The following ARHGAP40 variants were observed in gnomAD, a reference collection of about 807,000 sequenced individuals.
ARHGAP40 encodes Rho GTPase activating protein 40, also known as rho GTPase-activating protein 40.
A neutral mutation model predicts 73.5 loss-of-function variants in ARHGAP40; 43 were observed. The observed-to-expected ratio is 0.58, with a 90% confidence interval of 0.46 to 0.75. The LOEUF (loss-of-function observed/expected upper bound fraction) is 0.75. Among genes scored for constraint, ARHGAP40 ranks in the 30% least tolerant of loss-of-function variants. The pLI is 0.00. For synonymous variants in ARHGAP40, 300 were observed against 352.8 expected (o/e 0.85, Z 1.68); for missense variants, 734 against 861.8 (o/e 0.85, Z 1.86).
intron 1 of ARHGAP40, among the ~76,000 whole-genome samples, chr20:38,616,144 C>A (rs544712889): frequency 6.6e-6 from 1 of 152,246 alleles, no homozygotes; most frequent in Non-Finnish European, 1.5e-5. Flanking sequence ...GCATCCCACA[C>A]AGCCACTCCC....
At chr20:38,631,336 A>T (rs752462349) in intron 5 of ARHGAP40, among the ~76,000 whole-genome samples, 1 of 149,780 alleles carries the variant, frequency 6.7e-6, no homozygotes, top group Non-Finnish European at 1.5e-5. Flanking sequence ...GAGAAGTGGC[A>T]TATGTTAGTC....
In ARHGAP40 at chr20:38,646,852, T is replaced by C; in HGVS notation, c.1711-105T>C. 9.6e-7 allele frequency: 1 copy of C among 1,038,050 alleles called. No individual in the cohort carries two copies. Among genetic ancestry groups the C allele is most frequent in the South Asian group, 1.5e-5 (1 of 64,730 alleles). The allele number at this position is 1,038,050 out of a possible 1,614,324, so 64.3% of individuals were successfully genotyped here. A position where few individuals can be genotyped will look rare whatever the true frequency, so the allele number is the denominator to read the frequency against. On this transcript the variant is annotated intron_variant, in intron 12 of 14. Transcript: ENST00000373345. The surrounding 1 kb of genome is among the most constrained non-coding windows in gnomAD (Gnocchi z 4.5). ...TGTGTGTATCTTGTGATTTTCAGCGTGGGCATTTGCGTAAGTGCCATGTAT... is the reference window on the plus strand; with the variant it reads ...TGTGTGTATCTTGTGATTTTCAGCGCGGGCATTTGCGTAAGTGCCATGTAT...
rs1223692885 is a variant in ARHGAP40, at chr20:38,602,145, TCTTCA to T, written c.137+68_137+72del. The T allele has an allele frequency of 2.5e-6, 3 of 1,219,712 alleles. No homozygotes were observed. In the African/African-American group the frequency reaches 4.7e-5, roughly 19 times the overall value. The allele number at this position is 1,219,712 out of a possible 1,614,324, so 75.6% of individuals were successfully genotyped here. A position where few individuals can be genotyped will look rare whatever the true frequency, so the allele number is the denominator to read the frequency against. On this transcript the variant is annotated intron_variant, in intron 1 of 14. Transcript: ENST00000373345. ...ATGCACCAGGGGCATGTGCGGTCTG[TCTTCA>T]CAACATCCCTGTGAGGCAAGAATCT...
intron 1 of ARHGAP40, among the ~76,000 whole-genome samples, chr20:38,623,071 G>A (rs867727336): frequency 1.3e-5 from 2 of 152,192 alleles, no homozygotes; most frequent in Non-Finnish European, 2.9e-5. Flanking sequence ...TGGGAATGCT[G>A]CCTTTACCGT....
chr20:38,641,181 C>T (rs754153749), intron 9 of ARHGAP40, among the ~76,000 whole-genome samples: 2 of 152,174 alleles, frequency 1.3e-5, no homozygotes, highest in Non-Finnish European at 2.9e-5. Context: ...TCCTACGCAG[C>T]TCTTCTCCAG....
chr20:38,640,453 C>A (rs181559188), intron 9 of ARHGAP40, among the ~76,000 whole-genome samples: 1 of 152,240 alleles, frequency 6.6e-6, no homozygotes, highest in African/African-American at 2.4e-5. Flanking sequence ...AACTCCTGGC[C>A]TCAAGCGATC....
chr20:38,615,424 A>G, intron 1 of ARHGAP40: 2 of 723,150 alleles, frequency 2.8e-6, no homozygotes, highest in South Asian at 1.4e-5. Context: ...GAAGTTGGGG[A>G]TAATGGTAAC....
exon 2 of ARHGAP40, chr20:38,623,376 G>T (rs1185684984): frequency 1.5e-6 from 2 of 1,290,330 alleles, no homozygotes; most frequent in Non-Finnish European, 2.0e-6. Flanking sequence ...CCCTCCTCAG[G>T]CCGAATGGAT....
intron 1 of ARHGAP40, among the ~76,000 whole-genome samples, chr20:38,605,914 T>C (rs757940237): frequency 2.0e-5 from 3 of 151,962 alleles, no homozygotes; most frequent in Admixed American, 1.3e-4. Flanking sequence ...GGAGACAGAG[T>C]CTTGCTCTAT....
At chr20:38,643,419 G>A (rs1275139833) in intron 10 of ARHGAP40, among the ~76,000 whole-genome samples, 2 of 152,192 alleles carry the variant, frequency 1.3e-5, no homozygotes, top group Admixed American at 1.3e-4. Flanking sequence ...CAGACCTGTG[G>A]CCCTTTTCTA....
rs1219383999 is a variant in ARHGAP40 at position 38,638,844 on chromosome 20, G to A, written c.1119+6G>A. On this transcript the variant is annotated splice_donor_region_variant and intron_variant, in intron 8 of 14. Transcript: ENST00000373345. Reference sequence around the variant, plus strand: ...GATCCCAGGCCAGGGTCAAGGTAATGGTTTGGCTTCCTGGCTTCACTGAGG... The same window carrying A: ...GATCCCAGGCCAGGGTCAAGGTAATAGTTTGGCTTCCTGGCTTCACTGAGG... 1 of 1,305,380 alleles carries A rather than the reference G, an allele frequency of 7.7e-7. No homozygotes were observed. The highest frequency in any genetic ancestry group is 1.0e-6 in the Non-Finnish European group (1 of 988,926). The allele number at this position is 1,305,380 out of a possible 1,614,324, so 80.9% of individuals were successfully genotyped here.
At chr20:38,614,609 A>G (rs980406565) in intron 1 of ARHGAP40, among the ~76,000 whole-genome samples, 1 of 152,226 alleles carries the variant, frequency 6.6e-6, no homozygotes, top group Non-Finnish European at 1.5e-5. Flanking sequence ...TCCATGCAGG[A>G]GACCCAAGCG....
chr20:38,606,232 C>T (rs1471981674), intron 1 of ARHGAP40, among the ~76,000 whole-genome samples: 2 of 152,186 alleles, frequency 1.3e-5, no homozygotes, highest in South Asian at 2.1e-4. Context: ...TAACTAGCCT[C>T]CTGTTGATGG....
intron 1 of ARHGAP40, among the ~76,000 whole-genome samples, chr20:38,610,955 TCTCAG>T (rs1229924065): frequency 6.7e-6 from 1 of 149,368 alleles, no homozygotes; most frequent in Non-Finnish European, 1.5e-5. Context: ...AGTGGCAAAA[TCTCAG>T]CTCACTGCAA....
chr20:38,626,104 C>CT (rs2088897757), intron 2 of ARHGAP40, among the ~76,000 whole-genome samples: 1 of 152,202 alleles, frequency 6.6e-6, no homozygotes, highest in Non-Finnish European at 1.5e-5. Context: ...CTGGAGGCAT[C>CT]TGTTCTGGTT....
At chr20:38,634,216 G>T (rs1255657213) in intron 5 of ARHGAP40, among the ~76,000 whole-genome samples, 1 of 152,104 alleles carries the variant, frequency 6.6e-6, no homozygotes, top group Admixed American at 6.5e-5. Context: ...GCCAGGTGTC[G>T]AGGTGCACAC....
chr20:38,649,892 C>T (rs1212165791), exon 15 of ARHGAP40: 2 of 1,244,798 alleles, frequency 1.6e-6, no homozygotes, highest in Admixed American at 2.3e-5. Flanking sequence ...CCTCCTCTCC[C>T]CTGCTGGCTC....
chr20:38,621,501 G>T (rs1204030431), intron 1 of ARHGAP40, among the ~76,000 whole-genome samples: 1 of 152,182 alleles, frequency 6.6e-6, no homozygotes, highest in Non-Finnish European at 1.5e-5. Flanking sequence ...CTCTTGTGGG[G>T]CTGGTGGAGG....
chr20:38,646,151 C>G lies in ARHGAP40; in HGVS notation c.1674C>G (p.His558Gln). ...TCAAGACTTGGCTGCGGAGGATGCA[C>G]GCAGACAGGGACAAGGCGGGGGACG... The change falls in exon 12 of 15, where the codon CAC becomes CAG. Residue 558 changes from histidine to glutamine, a missense_variant. By Grantham distance (24) the His-to-Gln change is conservative. Coordinates refer to ENST00000373345, the Ensembl canonical transcript of ARHGAP40. This position sits in a 1 kb window ranked among gnomAD's most constrained non-coding sequence, Gnocchi z 4.5. 7.7e-7 allele frequency: 1 copy of G among 1,303,914 alleles called. No homozygotes were observed. Among genetic ancestry groups the G allele is most frequent in the Non-Finnish European group, 1.0e-6 (1 of 988,680 alleles). 80.8% of individuals were successfully genotyped at this position (1,303,914 alleles called of 1,614,324 possible).
Sources: allele counts gnomAD v4.1 joint callset (sites outside exome capture counted in the v4.1 genomes callset), GRCh38; gene constraint gnomAD v4.1.1; non-coding constraint Gnocchi (gnomAD v3.1); transcripts MANE v1.5; gene names NCBI Gene and HGNC (gene_info 2026-07-23, HGNC 2026-07-21).